CTDP1: variants seen among roughly 807,000 people sequenced by gnomAD.
The protein encoded by CTDP1 is CTD phosphatase 1.
A neutral mutation model predicts 91.8 loss-of-function variants in CTDP1; 47 were observed. That is an observed-to-expected ratio of 0.51 (90% CI 0.41 to 0.65). The LOEUF (loss-of-function observed/expected upper bound fraction) is 0.65. Ranked by LOEUF, CTDP1 falls within the 30% of genes least tolerant of loss-of-function variation. The pLI is 0.00. For synonymous variants in CTDP1, 656 were observed against 598.5 expected (o/e 1.10, Z -1.40); for missense variants, 1,272 against 1,373.7 (o/e 0.93, Z 1.17).
chr18:79,679,477 G>A (rs1469391525), upstream of CTDP1: 2 of 456,540 alleles, frequency 4.4e-6, no homozygotes, highest in East Asian at 1.4e-4. Flanking sequence ...AGCGCGTGAT[G>A]GGGTAATGGC....
At position 79,697,900 on chromosome 18, in the gene CTDP1, A is replaced by C; in HGVS notation, c.533A>C (p.His178Pro). 1 of 1,614,238 alleles carries C rather than the reference A, an allele frequency of 6.2e-7. No individual in the cohort carries two copies. Among genetic ancestry groups the C allele is most frequent in the Non-Finnish European group, 8.5e-7 (1 of 1,180,040 alleles). Residue 178 changes from histidine (H) to proline (P), a missense_variant, in exon 4 of 13, where the codon CAC (histidine) becomes CCC (proline). His to Pro is a moderately conservative substitution (Grantham distance 77). This residue lies in a region of CTDP1 where 177 missense variants were observed against 283.0 expected (regional missense o/e 0.63). Transcript: ENST00000613122. ...GGAAGAGAAGACCAGCAGCGACTGC[A>C]CCGAAACCGGAAGCTGGTGCTCATG... ...QLGREDQQRL[H>P]RNRKLVLMVD...
At chr18:79,712,299 T>A (rs2086100856) in intron 6 of CTDP1, among the ~76,000 whole-genome samples, 3 of 152,150 alleles carry the variant, frequency 2.0e-5, no homozygotes, top group Admixed American at 2.0e-4. Flanking sequence ...TTTTTTTGTT[T>A]TTGAGACGGT....
rs1325241834 is a variant in CTDP1, at chr18:79,736,600, G to C, written c.2747+79G>C. ...TCTGCAGTTGGTGGGCCGCCTACCT[G>C]CATCTCATTCTTCACGCCCTCCACC... is the stretch of plus-strand genomic sequence containing the variant. On this transcript the variant is annotated intron_variant, in intron 12 of 12. Transcript: ENST00000613122. 3 of 1,360,300 alleles carry C rather than the reference G, an allele frequency of 2.2e-6. No individual in the cohort carries two copies. The African/African-American group carries it at 4.4e-5, about 20-fold the overall frequency. The allele number at this position is 1,360,300 out of a possible 1,614,324, so 84.3% of individuals were successfully genotyped here. A position where few individuals can be genotyped will look rare whatever the true frequency, so the allele number is the denominator to read the frequency against.
chr18:79,695,235 G>T lies in CTDP1; in HGVS notation c.325G>T (p.Val109Leu). ...TGTGTTTTTTTGTAGAGCGGTTCTG[G>T]TGAGGTTGGAAGGATGCAGCCACCC... ...GQVVAPGAVLVRLEGCSHPVV... is the reference protein window; with the variant it reads ...GQVVAPGAVLLRLEGCSHPVV... Residue 109 changes from valine (V) to leucine (L), a missense_variant, in exon 2 of 13, where the codon GTG becomes TTG. Physicochemically the swap from Val to Leu is conservative, Grantham distance 32. This residue lies in a region of CTDP1 where 214 missense variants were observed against 179.1 expected (regional missense o/e 1.19). Coordinates refer to ENST00000613122, the MANE Select transcript of CTDP1 (RefSeq NM_004715.5). 17 of 1,614,132 alleles carry T rather than the reference G, an allele frequency of 1.1e-5. No individual in the cohort carries two copies. Among genetic ancestry groups the T allele is most frequent in the Non-Finnish European group, 1.4e-5 (17 of 1,180,010 alleles).
Position 79,715,186 on chromosome 18 carries a change from A to G in CTDP1, c.1726A>G (p.Met576Val), listed in dbSNP as rs1037273057. Reference protein sequence around the residue: ...VTAGESLDQSMEEEEEEDTDE... With the variant: ...VTAGESLDQSVEEEEEEDTDE... ...TGCGGGTGAGTCCCTGGACCAGAGC[A>G]TGGAGGAGGAGGAGGAGGAGGACAC... The change falls in exon 8 of 13, where the codon ATG becomes GTG. Residue 576 changes from methionine to valine, a missense_variant. Physicochemically the swap from Met to Val is conservative, Grantham distance 21. Around this residue, in one of 3 missense-constraint regions of CTDP1, gnomAD observed 881 missense variants for 911.6 expected, o/e 0.97. Coordinates refer to ENST00000613122, the MANE Select transcript of CTDP1 (RefSeq NM_004715.5). The G allele has an allele frequency of 5.6e-6, 9 of 1,607,638 alleles. No homozygotes were observed. The highest frequency in any genetic ancestry group is 5.1e-5 in the Admixed American group (3 of 58,478).
chr18:79,701,526 AAATTAAAT>A (rs924289857), intron 4 of CTDP1, among the ~76,000 whole-genome samples: 8 of 82,160 alleles, frequency 9.7e-5, no homozygotes, highest in South Asian at 9.6e-4. Context: ...AATAATAAAT[AAATTAAAT>A]AAATAAATAA....
intron 11 of CTDP1, among the ~76,000 whole-genome samples, chr18:79,729,746 G>A (rs983966293): frequency 1.3e-5 from 2 of 152,230 alleles, no homozygotes; most frequent in African/African-American, 4.8e-5. Flanking sequence ...GATCTGCGCA[G>A]CACCGTCCTT....
intron 10 of CTDP1, among the ~76,000 whole-genome samples, chr18:79,719,643 T>C (rs2086293392): frequency 6.6e-6 from 1 of 151,234 alleles, no homozygotes; most frequent in Admixed American, 6.6e-5. Flanking sequence ...TAGGAAGGCG[T>C]CCTGGTGTTG....
chr18:79,682,207 T>TG (rs2085387100), intron 1 of CTDP1, among the ~76,000 whole-genome samples: 1 of 152,222 alleles, frequency 6.6e-6, no homozygotes, highest in African/African-American at 2.4e-5. Context: ...GCCCTGGCTC[T>TG]GGGGGGCTGC....
intron 1 of CTDP1, among the ~76,000 whole-genome samples, chr18:79,684,329 A>G (rs2085439534): frequency 6.6e-6 from 1 of 152,220 alleles, no homozygotes; most frequent in Non-Finnish European, 1.5e-5. Context: ...TTAACAAAGA[A>G]AGAAGAATCC....
chr18:79,686,120 G>A (rs947683389), intron 1 of CTDP1, among the ~76,000 whole-genome samples: 2 of 152,062 alleles, frequency 1.3e-5, no homozygotes, highest in Non-Finnish European at 2.9e-5. Flanking sequence ...CCTTTGTCAT[G>A]GGTTTTTAGG....
rs180933392 is a variant in CTDP1, at chr18:79,706,366, G to A, written c.772+1449G>A. ...ATGTGTTCCAGCCCCAGATTGTGCC[G>A]TTGCAGCCAGTGCCAGGCACCTCCC... On this transcript the variant is annotated intron_variant, in intron 5 of 12. Coordinates refer to ENST00000613122, the MANE Select transcript of CTDP1 (RefSeq NM_004715.5). 1.1e-4 allele frequency among the ~76,000 whole-genome samples: 17 copies of A among 152,294 alleles called. No homozygotes were observed. The East Asian group carries it at 2.3e-3, about 21-fold the overall frequency.
At chr18:79,718,053 G>C in intron 10 of CTDP1, 37 bp downstream of exon 10, 1 of 1,608,514 alleles carries the variant, frequency 6.2e-7, no homozygotes. Context: ...CAGCTAATGA[G>C]GGCTCTTCAA....
chr18:79,696,189 A>C (rs2085742399), intron 3 of CTDP1, 119 bp downstream of exon 3: 1 of 844,212 alleles, frequency 1.2e-6, no homozygotes, highest in Non-Finnish European at 1.9e-6. Flanking sequence ...TTACTGAAAC[A>C]ACCCCTCATC....
chr18:79,722,473 C>T (rs1399294392), intron 10 of CTDP1, among the ~76,000 whole-genome samples: 1 of 150,100 alleles, frequency 6.7e-6, no homozygotes, highest in African/African-American at 2.5e-5. Flanking sequence ...ATCAATATTA[C>T]TTCAGTTAAT....
At chr18:79,707,417 G>A (rs1265605854) in intron 5 of CTDP1, among the ~76,000 whole-genome samples, 1 of 152,256 alleles carries the variant, frequency 6.6e-6, no homozygotes, top group Non-Finnish European at 1.5e-5. Flanking sequence ...AGCAGAGCAG[G>A]GAGCCTGCTG....
intron 4 of CTDP1, chr18:79,702,914 G>C (rs1735914237): frequency 6.6e-6 from 1 of 152,502 alleles, no homozygotes; most frequent in Admixed American, 6.5e-5. Flanking sequence ...TCCTGATGTA[G>C]TGGGGAGGGG....
At chr18:79,685,808 C>A (rs1214749327) in intron 1 of CTDP1, among the ~76,000 whole-genome samples, 1 of 152,140 alleles carries the variant, frequency 6.6e-6, no homozygotes. Context: ...AAGGACATTT[C>A]GTTTTCATCC....
rs964871261 is a variant in CTDP1, at chr18:79,688,516, C to T, written c.315-6709C>T. ...CTGACCTCAGGTGATCCACCTGCCT[C>T]GGCCTCCTGAAGTGTTGGGATTACA... On this transcript the variant is annotated intron_variant, in intron 1 of 12. Transcript: ENST00000613122. Among the ~76,000 whole-genome samples the T allele has an allele frequency of 5.3e-5, 8 of 152,030 alleles. No individual in the cohort carries two copies. In the East Asian group the frequency reaches 9.7e-4, roughly 18 times the overall value.
Sources: allele counts gnomAD v4.1 joint callset (sites outside exome capture counted in the v4.1 genomes callset), GRCh38; gene constraint gnomAD v4.1.1; regional missense constraint gnomAD v4.1.1; transcripts MANE v1.5; gene names NCBI Gene and HGNC (gene_info 2026-07-23, HGNC 2026-07-21).